Variants in ARHGAP15 observed in about 807,000 individuals in gnomAD.
ARHGAP15 encodes the protein Rho GTPase activating protein 15.
In ARHGAP15, 51 loss-of-function variants were observed where a neutral mutation model predicts 63.7. That is an observed-to-expected ratio of 0.80 (90% CI 0.64 to 1.01). ARHGAP15 has a LOEUF of 1.01. ARHGAP15 is among the 50% of genes least tolerant of loss of function. The probability of loss-of-function intolerance (pLI) is 0.00; values close to 1 mark genes in which losing one functional copy is unlikely to be tolerated. For synonymous variants in ARHGAP15, 191 were observed against 193.8 expected, an observed-to-expected ratio of 0.99 and a Z score of 0.12; for missense variants, 560 against 564.6, an observed-to-expected ratio of 0.99 and a Z score of 0.08.
chr2:143,182,185 A>T (rs1388922334), intron 2 of ARHGAP15, among the ~76,000 whole-genome samples: 1 of 150,732 alleles, frequency 6.6e-6, no homozygotes, highest in Non-Finnish European at 1.5e-5. Context: ...CTGGTCTCAA[A>T]CTCCTGACCT....
chr2:143,190,386 C>T (rs990873744), intron 2 of ARHGAP15, among the ~76,000 whole-genome samples: 3 of 152,198 alleles, frequency 2.0e-5, no homozygotes, highest in Non-Finnish European at 4.4e-5. Context: ...GAGCCATTCA[C>T]TTCTGCTAGA....
At chr2:143,243,610 T>C (rs2104954692) in intron 5 of ARHGAP15, among the ~76,000 whole-genome samples, 1 of 152,312 alleles carries the variant, frequency 6.6e-6, no homozygotes, top group Non-Finnish European at 1.5e-5. Flanking sequence ...TCTTGTGTTT[T>C]ATAGCTGTAG....
At chr2:143,335,413 C>A (rs987078848) in intron 6 of ARHGAP15, among the ~76,000 whole-genome samples, 3 of 152,080 alleles carry the variant, frequency 2.0e-5, no homozygotes, top group Admixed American at 2.0e-4. Flanking sequence ...TGAGTCAGAG[C>A]GGCTGATTAG....
chr2:143,741,527 G>T (rs1207305769), intron 13 of ARHGAP15, among the ~76,000 whole-genome samples: 1 of 152,162 alleles, frequency 6.6e-6, no homozygotes, highest in Non-Finnish European at 1.5e-5. Flanking sequence ...TGAAAAGGAT[G>T]AATTAACATC....
chr2:143,437,153 T>G (rs1325465070), intron 8 of ARHGAP15, 111 bp downstream of exon 8: 2 of 1,248,478 alleles, frequency 1.6e-6, no homozygotes, highest in Non-Finnish European at 2.2e-6. Context: ...TCATGGAAGA[T>G]TCGTAGCCAT....
Position 143,624,242 on chromosome 2 carries a change from C to G in ARHGAP15, c.1113C>G (p.Phe371Leu), listed in dbSNP as rs1421502107. Residue 371 changes from phenylalanine to leucine, a missense_variant, in exon 12 of 14, where the codon TTC (phenylalanine) becomes TTG (leucine). By Grantham distance (22) the Phe-to-Leu change is conservative (BLOSUM62 0). Transcript: ENST00000295095. The part of the protein sequence containing the change: ...ELPEPLFPYS[F>L]FEQFVEAIKK... ...CTGAGCCGCTCTTCCCTTACAGTTT[C>G]TTTGAGCAGTTTGTGGAAGCGATCA... 1.9e-6 allele frequency: 3 copies of G among 1,613,318 alleles called. No homozygotes were observed. The highest frequency in any genetic ancestry group is 1.3e-5 in the African/African-American group (1 of 74,880).
At chr2:143,463,147 T>C (rs1691033812) in intron 8 of ARHGAP15, among the ~76,000 whole-genome samples, 1 of 152,146 alleles carries the variant, frequency 6.6e-6, no homozygotes, top group African/African-American at 2.4e-5. Flanking sequence ...AAGACAATTA[T>C]TCTTCTTCCA....
intron 12 of ARHGAP15, among the ~76,000 whole-genome samples, chr2:143,689,860 G>T (rs1683515291): frequency 1.3e-5 from 2 of 152,114 alleles, no homozygotes; most frequent in African/African-American, 4.8e-5. Context: ...CTTTCCTTCT[G>T]CCTTCTACCT....
chr2:143,134,158 T>TCTAC (rs1257863749), intron 1 of ARHGAP15, among the ~76,000 whole-genome samples: 1 of 128,060 alleles, frequency 7.8e-6, no homozygotes, highest in East Asian at 2.4e-4. Flanking sequence ...TATCTACCTA[T>TCTAC]CTATCTATCA....
intron 2 of ARHGAP15, among the ~76,000 whole-genome samples, chr2:143,182,757 A>G (rs1207834681): frequency 2.0e-5 from 3 of 152,186 alleles, no homozygotes; most frequent in Non-Finnish European, 4.4e-5. Context: ...CTGGCAGTAG[A>G]AAGCTCACAA....
intron 1 of ARHGAP15, among the ~76,000 whole-genome samples, chr2:143,141,881 A>C (rs1467934424): frequency 6.6e-6 from 1 of 152,094 alleles, no homozygotes; most frequent in African/African-American, 2.4e-5. Context: ...TACGAGCCAC[A>C]GTCGGGAATG....
intron 6 of ARHGAP15, among the ~76,000 whole-genome samples, chr2:143,285,515 A>G (rs1394833729): frequency 6.6e-6 from 1 of 152,188 alleles, no homozygotes; most frequent in Non-Finnish European, 1.5e-5. Context: ...ATATCTTAGC[A>G]TAAAGATGAA....
intron 6 of ARHGAP15, among the ~76,000 whole-genome samples, chr2:143,280,556 G>A (rs1681789436): frequency 6.6e-6 from 1 of 152,158 alleles, no homozygotes. Context: ...AAATGAGGGT[G>A]AGTGAACACG....
At chr2:143,545,024 T>C (rs190437582) in intron 10 of ARHGAP15, among the ~76,000 whole-genome samples, 72 of 152,276 alleles carry the variant, frequency 4.7e-4, no homozygotes, top group Admixed American at 5.9e-4. Flanking sequence ...GACACTATAA[T>C]TTCTCAGAAG....
chr2:143,172,748 T>C (rs1290359367), intron 2 of ARHGAP15, among the ~76,000 whole-genome samples: 3 of 152,064 alleles, frequency 2.0e-5, no homozygotes, highest in Non-Finnish European at 2.9e-5. Flanking sequence ...GTGGGTCATA[T>C]TCGGTTGTGA....
intron 5 of ARHGAP15, among the ~76,000 whole-genome samples, chr2:143,243,104 C>G (rs1171114812): frequency 6.6e-6 from 1 of 152,108 alleles, no homozygotes; most frequent in African/African-American, 2.4e-5. Context: ...CGTATATGCC[C>G]AATCTTCATC....
At chr2:143,527,973 T>C (rs146295734) in intron 10 of ARHGAP15, among the ~76,000 whole-genome samples, 35 of 152,232 alleles carry the variant, frequency 2.3e-4, no homozygotes, top group African/African-American at 7.7e-4. Context: ...GATAAGAGTA[T>C]ATCATATTGT....
At chr2:143,579,706 G>GT (rs11405977) in intron 11 of ARHGAP15, among the ~76,000 whole-genome samples, 46,289 of 151,620 alleles carry the variant, frequency 0.31, 8,342 homozygotes, top group African/African-American at 0.51. Flanking sequence ...GGGAAGAATA[G>GT]TGCTGATCAT....
intron 2 of ARHGAP15, among the ~76,000 whole-genome samples, chr2:143,157,250 C>T (rs1193209867): frequency 1.3e-5 from 2 of 151,864 alleles, no homozygotes; most frequent in East Asian, 3.9e-4. Context: ...ACTGATGCCT[C>T]TTGTACAATT....
Sources: allele counts gnomAD v4.1 joint callset (sites outside exome capture counted in the v4.1 genomes callset), GRCh38; gene constraint gnomAD v4.1.1; transcripts MANE v1.5; gene names NCBI Gene and HGNC (gene_info 2026-07-23, HGNC 2026-07-21).